The following OXCT1 variants were observed in gnomAD, a reference collection of about 807,000 sequenced individuals.
OXCT1 encodes succinyl-CoA:3-ketoacid coenzyme A transferase 1, mitochondrial.
A neutral mutation model predicts 69.6 loss-of-function variants in OXCT1; 27 were observed. The observed-to-expected ratio is 0.39, with a 90% CI of 0.29 to 0.54. OXCT1 has a LOEUF of 0.54. Ranked by LOEUF, OXCT1 falls within the 20% of genes least tolerant of loss-of-function variation. The pLI, the probability that OXCT1 is intolerant of heterozygous loss-of-function variation, is 0.72. For missense variants in OXCT1, 437 were observed against 650.2 expected (o/e 0.67, Z 3.57); for synonymous variants, 202 against 217.8 (o/e 0.93, Z 0.64).
chr5:41,859,866 T>TATATATATATATATGTA (rs1353120395), intron 3 of OXCT1, among the ~76,000 whole-genome samples: 3 of 95,040 alleles, frequency 3.2e-5, no homozygotes, highest in Admixed American at 1.2e-4. Context: ...AGTATAGTAA[T>TATATATATATATATGTA]ATATATATAT....
intron 5 of OXCT1, among the ~76,000 whole-genome samples, chr5:41,845,643 T>G (rs1748859856): frequency 6.6e-6 from 1 of 152,098 alleles, no homozygotes; most frequent in African/African-American, 2.4e-5. Flanking sequence ...ATTAAAAAAC[T>G]ACGAGTTTGA....
At position 41,807,456 on chromosome 5, in the gene OXCT1, T is replaced by A; in HGVS notation, c.733-18A>T. The A allele has an allele frequency of 7.1e-7, 1 of 1,415,116 alleles. No individual in the cohort carries two copies. The highest frequency in any genetic ancestry group is 1.0e-6 in the Non-Finnish European group (1 of 1,000,404). 87.7% of individuals were successfully genotyped at this position (1,415,116 alleles called of 1,614,324 possible). A position where few individuals can be genotyped will look rare whatever the true frequency, so the allele number is the denominator to read the frequency against. On this transcript the variant is annotated intron_variant, in intron 7 of 16. Transcript: ENST00000196371. ...TCTTCAACCTAGACAAAGAGAAATTTCTTTCAAAGTTAGTGAAAGCTTAAA... is the reference window on the plus strand; with the variant it reads ...TCTTCAACCTAGACAAAGAGAAATTACTTTCAAAGTTAGTGAAAGCTTAAA...
At chr5:41,859,891 T>TATATATATATATATATATGTA (rs1554019118) in intron 3 of OXCT1, among the ~76,000 whole-genome samples, 11,662 of 111,008 alleles carry the variant, frequency 0.11, 779 homozygotes, top group Non-Finnish European at 0.14. Context: ...ATATATGTAA[T>TATATATATATATATATATGTA]ATATATATAT....
intron 7 of OXCT1, among the ~76,000 whole-genome samples, chr5:41,836,909 T>A (rs1440679882): frequency 6.6e-6 from 1 of 152,206 alleles, no homozygotes; most frequent in Non-Finnish European, 1.5e-5. Context: ...GTTTCCCTTT[T>A]GCAGAGTCTA....
chr5:41,858,558 C>CGG, intron 3 of OXCT1, among the ~76,000 whole-genome samples: 1 of 152,230 alleles, frequency 6.6e-6, no homozygotes, highest in South Asian at 2.1e-4. Context: ...GGGTTTCAAA[C>CGG]ATTTTGGTGA....
At chr5:41,750,141 T>TTTTTTTTTTTTTTTTTTTTTTC in intron 14 of OXCT1, among the ~76,000 whole-genome samples, 1 of 148,716 alleles carries the variant, frequency 6.7e-6, no homozygotes, top group African/African-American at 2.5e-5. Context: ...TTTGGTTTTT[T>TTTTTTTTTTTTTTTTTTTTTTC]TTTTTTTTTT....
intron 10 of OXCT1, among the ~76,000 whole-genome samples, chr5:41,802,469 A>T (rs546664291): frequency 1.4e-4 from 22 of 152,216 alleles, no homozygotes; most frequent in African/African-American, 5.3e-4. Context: ...GCTTAATCTT[A>T]AGGAAGAAAA....
chr5:41,802,963 C>T (rs1746491953), intron 10 of OXCT1, 106 bp downstream of exon 10: 3 of 788,678 alleles, frequency 3.8e-6, no homozygotes, highest in South Asian at 3.0e-5. Context: ...AAATCACTTG[C>T]ACCCTAAAAG....
chr5:41,737,958 G>A (rs928508216), intron 16 of OXCT1, among the ~76,000 whole-genome samples: 1 of 152,140 alleles, frequency 6.6e-6, no homozygotes, highest in Non-Finnish European at 1.5e-5. Flanking sequence ...GGGAGGCTGA[G>A]GCAGGAGAAT....
chr5:41,795,003 T>C (rs1007690112), intron 11 of OXCT1, among the ~76,000 whole-genome samples: 3 of 152,230 alleles, frequency 2.0e-5, no homozygotes, highest in Non-Finnish European at 4.4e-5. Flanking sequence ...GTTTGGAAAT[T>C]CTCTACAGCA....
At chr5:41,732,902 T>C (rs563138491) in intron 16 of OXCT1, among the ~76,000 whole-genome samples, 1 of 152,328 alleles carries the variant, frequency 6.6e-6, no homozygotes, top group South Asian at 2.1e-4. Flanking sequence ...CTCTTCATAG[T>C]ATCAAGAGTT....
intron 13 of OXCT1, among the ~76,000 whole-genome samples, chr5:41,791,717 T>C (rs944642282): frequency 6.6e-6 from 1 of 152,232 alleles, no homozygotes; most frequent in African/African-American, 2.4e-5. Context: ...AATAGATGTA[T>C]TTAAAACCCT....
chr5:41,761,024 T>C (rs998612331), intron 14 of OXCT1, among the ~76,000 whole-genome samples: 4 of 152,070 alleles, frequency 2.6e-5, no homozygotes, highest in African/African-American at 9.7e-5. Context: ...CCACTCAGAT[T>C]AGCAGGTCTC....
chr5:41,733,647 T>G (rs1742749266), intron 16 of OXCT1, among the ~76,000 whole-genome samples: 1 of 152,202 alleles, frequency 6.6e-6, no homozygotes, highest in South Asian at 2.1e-4. Flanking sequence ...TAACTAAACA[T>G]CTGATCCTTT....
At chr5:41,783,668 T>C (rs1368142128) in intron 13 of OXCT1, among the ~76,000 whole-genome samples, 2 of 152,206 alleles carry the variant, frequency 1.3e-5, no homozygotes, top group East Asian at 1.9e-4. Context: ...CAAAGAAGTC[T>C]GCCTTTCAAC....
intron 11 of OXCT1, among the ~76,000 whole-genome samples, chr5:41,795,776 A>G (rs1273791243): frequency 6.6e-6 from 1 of 152,196 alleles, no homozygotes; most frequent in Non-Finnish European, 1.5e-5. Flanking sequence ...ATAATTAATG[A>G]TTGTGGTAAT....
At chr5:41,853,370 G>A in intron 4 of OXCT1, 49 bp downstream of exon 4, 3 of 1,560,160 alleles carry the variant, frequency 1.9e-6, no homozygotes, top group Non-Finnish European at 2.6e-6. Flanking sequence ...GAGAAAAAAG[G>A]AATTTTTAAA....
At chr5:41,861,992 C>G (rs1749759675) in intron 2 of OXCT1, among the ~76,000 whole-genome samples, 1 of 152,166 alleles carries the variant, frequency 6.6e-6, no homozygotes, top group South Asian at 2.1e-4. Context: ...GGGCAGATGA[C>G]TAGAGGTCAG....
chr5:41,803,563 T>C (rs558021743), intron 9 of OXCT1, among the ~76,000 whole-genome samples: 17 of 152,244 alleles, frequency 1.1e-4, no homozygotes, highest in South Asian at 1.0e-3. Context: ...TCGTTTTTCA[T>C]CGTCTTTATT....
Sources: gnomAD v4.1 joint callset for allele counts (sites outside exome capture counted in the v4.1 genomes callset) on GRCh38, gnomAD v4.1.1 for gene constraint, MANE v1.5 for transcripts, NCBI Gene and HGNC (gene_info 2026-07-23, HGNC 2026-07-21) for gene names.